CDH23: variants seen among roughly 807,000 people sequenced by gnomAD.
The protein encoded by CDH23 is cadherin related 23.
A neutral mutation model predicts 317.1 loss-of-function variants in CDH23; 189 were observed. That is an observed-to-expected ratio of 0.60 (90% CI 0.53 to 0.67). The LOEUF (loss-of-function observed/expected upper bound fraction) is 0.67. Ranked by LOEUF, CDH23 falls within the 30% of genes least tolerant of loss-of-function variation. CDH23 has a pLI of 0.00. For synonymous variants in CDH23, 1,839 were observed against 1,876.8 expected (o/e 0.98, Z 0.52); for missense variants, 4,401 against 4,592.4 (o/e 0.96, Z 1.20).
intron 1 of CDH23, among the ~76,000 whole-genome samples, chr10:71,417,764 G>GA (rs143878081): frequency 0.3 from 46,150 of 152,014 alleles, 7,175 homozygotes; most frequent in Middle Eastern, 0.46. Context: ...TGCTCACCAT[G>GA]ATGCCTGGCT....
chr10:71,572,390 C>A (rs1440041576), intron 8 of CDH23, among the ~76,000 whole-genome samples: 7 of 152,186 alleles, frequency 4.6e-5, no homozygotes, highest in Non-Finnish European at 7.4e-5. Context: ...GCCCATGGCC[C>A]CTGGACATCT....
At chr10:71,628,149 C>T (rs995462178) in intron 11 of CDH23, among the ~76,000 whole-genome samples, 1 of 152,232 alleles carries the variant, frequency 6.6e-6, no homozygotes, top group African/African-American at 2.4e-5. Context: ...CACCCCATCG[C>T]CATCATGGGC....
chr10:71,708,837 TAAATG>T (rs1865876130), intron 26 of CDH23, among the ~76,000 whole-genome samples: 1 of 152,194 alleles, frequency 6.6e-6, no homozygotes, highest in South Asian at 2.1e-4. Context: ...AGGTGGAGGC[TAAATG>T]AAATGGTCTG....
chr10:71,784,350 G>T lies in CDH23; in HGVS notation c.5432G>T (p.Arg1811Leu). The T allele has an allele frequency of 6.2e-7, 1 of 1,613,894 alleles. No individual in the cohort carries two copies. The highest frequency in any genetic ancestry group is 8.5e-7 in the Non-Finnish European group (1 of 1,179,812). ...LRVRKDVELD[R>L]ETIAFYNLTI... ...GTCCGGAAGGACGTGGAGCTGGACC[G>T]GGAGACCATCGCCTTCTACAACCTG... The change falls in exon 42 of 70, where the codon CGG (arginine) becomes CTG (leucine). Residue 1811 changes from arginine (R) to leucine (L), a missense_variant. Transcript: ENST00000224721.
At chr10:71,698,699 C>T (rs1865480254) in intron 22 of CDH23, among the ~76,000 whole-genome samples, 1 of 152,202 alleles carries the variant, frequency 6.6e-6, no homozygotes, top group African/African-American at 2.4e-5. Context: ...AAAACGTCAG[C>T]TGTCTTAGAG....
chr10:71,702,437 G>A, intron 23 of CDH23, 112 bp from the exon 24 acceptor site: 1 of 1,395,304 alleles, frequency 7.2e-7, no homozygotes, highest in South Asian at 1.3e-5. Context: ...GGGGCCTTTG[G>A]GATGGAGGGC....
At chr10:71,446,416 G>A (rs1036783146) in intron 3 of CDH23, 21 bp downstream of exon 3, 1 of 1,612,704 alleles carries the variant, frequency 6.2e-7, no homozygotes, top group Non-Finnish European at 8.5e-7. Context: ...GCATGGGCTG[G>A]TGGGCGTGCA....
chr10:71,657,146 G>T (rs991070282), intron 14 of CDH23, among the ~76,000 whole-genome samples: 3 of 152,186 alleles, frequency 2.0e-5, no homozygotes, highest in Non-Finnish European at 4.4e-5. Context: ...GACCAGGTGG[G>T]CCCTGCACCA....
chr10:71,782,587 G>A (rs539175438), intron 41 of CDH23, among the ~76,000 whole-genome samples: 2 of 152,214 alleles, frequency 1.3e-5, no homozygotes, highest in African/African-American at 2.4e-5. Context: ...CCAAGGAGAA[G>A]AATTTGCACA....
At chr10:71,563,678 G>A (rs1042544781) in intron 6 of CDH23, among the ~76,000 whole-genome samples, 1 of 151,494 alleles carries the variant, frequency 6.6e-6, no homozygotes, top group African/African-American at 2.4e-5. Flanking sequence ...GTGTTGCTGT[G>A]TGTCTGGCCC....
intron 6 of CDH23, among the ~76,000 whole-genome samples, chr10:71,512,617 C>T (rs987447097): frequency 2.0e-5 from 3 of 152,344 alleles, no homozygotes; most frequent in South Asian, 2.1e-4. Flanking sequence ...TCTCTTCCCT[C>T]TCATGGGGCA....
At chr10:71,680,473 C>T (rs1295781337) in intron 17 of CDH23, among the ~76,000 whole-genome samples, 2 of 152,188 alleles carry the variant, frequency 1.3e-5, no homozygotes, top group Non-Finnish European at 2.9e-5. Flanking sequence ...TTCTGACCAG[C>T]GCGGTGGCTC....
intron 9 of CDH23, among the ~76,000 whole-genome samples, chr10:71,603,193 C>T (rs1180080310): frequency 6.6e-6 from 1 of 152,134 alleles, no homozygotes; most frequent in Non-Finnish European, 1.5e-5. Flanking sequence ...TGACAGACAG[C>T]GCGTGCCCCC....
At chr10:71,419,579 G>T (rs746976252) in intron 1 of CDH23, among the ~76,000 whole-genome samples, 123 of 152,148 alleles carry the variant, frequency 8.1e-4, no homozygotes, top group Non-Finnish European at 1.5e-3. Context: ...TTTTGAGCAT[G>T]CAGAAAGGTC....
At chr10:71,485,697 G>A (rs549167249) in intron 3 of CDH23, among the ~76,000 whole-genome samples, 3 of 152,362 alleles carry the variant, frequency 2.0e-5, no homozygotes, top group South Asian at 2.1e-4. Context: ...GGGGCTGTGT[G>A]GGCAGAGAAG....
At chr10:71,544,794 C>T (rs1856181957) in intron 6 of CDH23, among the ~76,000 whole-genome samples, 1 of 152,234 alleles carries the variant, frequency 6.6e-6, no homozygotes, top group Non-Finnish European at 1.5e-5. Context: ...TTCTAACTCT[C>T]CCCACCTTCA....
At chr10:71,776,134 G>C (rs1840811780) in intron 38 of CDH23, among the ~76,000 whole-genome samples, 1 of 152,152 alleles carries the variant, frequency 6.6e-6, no homozygotes, top group Admixed American at 6.5e-5. Context: ...GATGTGACCT[G>C]CCCAAGGCCA....
chr10:71,779,469 CCA>C (rs1840898169), intron 41 of CDH23, 22 bp downstream of exon 41: 16 of 1,578,022 alleles, frequency 1.0e-5, no homozygotes, highest in Non-Finnish European at 1.4e-5. Context: ...TTGGGGCATG[CCA>C]CCCACAGGGT....
chr10:71,728,268 C>T (rs538571020), intron 30 of CDH23, among the ~76,000 whole-genome samples: 1 of 150,280 alleles, frequency 6.7e-6, no homozygotes, highest in South Asian at 2.2e-4. Context: ...AGCCTGTGAA[C>T]AGCTGTGCTC....
Sources: allele counts gnomAD v4.1 joint callset (sites outside exome capture counted in the v4.1 genomes callset), GRCh38; gene constraint gnomAD v4.1.1; transcripts MANE v1.5; gene names NCBI Gene and HGNC (gene_info 2026-07-23, HGNC 2026-07-21).